KMT2A: variants seen among roughly 807,000 people sequenced by gnomAD.
KMT2A encodes the protein histone-lysine N-methyltransferase 2A.
A neutral mutation model predicts 345.3 loss-of-function variants in KMT2A; 16 were observed. The observed-to-expected ratio is 0.05, with a 90% CI of 0.03 to 0.07. KMT2A has a LOEUF of 0.07. Ranked by LOEUF, KMT2A falls within the 10% of genes least tolerant of loss-of-function variation. The pLI, the probability that KMT2A is intolerant of heterozygous loss-of-function variation, is 1.00. For synonymous variants in KMT2A, 1,599 were observed against 1,778.6 expected, an observed-to-expected ratio of 0.90 and a Z score of 2.54; for missense variants, 3,272 against 4,841.6, an observed-to-expected ratio of 0.68 and a Z score of 9.62.
At chr11:118,515,086 G>A (rs1950782222) in intron 31 of KMT2A, among the ~76,000 whole-genome samples, 1 of 152,184 alleles carries the variant, frequency 6.6e-6, no homozygotes, top group Admixed American at 6.5e-5. Flanking sequence ...GTCTTAAAGT[G>A]TAGCCTATAG....
At position 118,503,322 on chromosome 11, in the gene KMT2A, T is replaced by C. The variant is rs138913980; in HGVS notation, c.7430T>C (p.Met2477Thr). The change falls in exon 27 of 36, where the codon ATG (methionine) becomes ACG (threonine). Residue 2477 changes from methionine (M) to threonine (T), a missense_variant. Met to Thr is a moderately conservative substitution (Grantham distance 81, BLOSUM62 -1). This residue lies in a region of KMT2A where 445 missense variants were observed against 500.9 expected (regional missense o/e 0.89). Coordinates refer to ENST00000534358, the MANE Select transcript of KMT2A (RefSeq NM_001197104.2). The surrounding 1 kb of genome is among the most constrained non-coding windows in gnomAD (Gnocchi z 5.3). ...GATGAGGTTTTGACTCCTGAGTATATGGGCCAACGACCATGTAACAATGTT... is the reference window on the plus strand; with the variant it reads ...GATGAGGTTTTGACTCCTGAGTATACGGGCCAACGACCATGTAACAATGTT... ...FMDEVLTPEY[M>T]GQRPCNNVSS... 5.0e-6 allele frequency: 8 copies of C among 1,613,970 alleles called. No homozygotes were observed. The highest frequency in any genetic ancestry group is 6.8e-6 in the Non-Finnish European group (8 of 1,179,986).
At position 118,472,011 on chromosome 11, in the gene KMT2A, G is replaced by A. The variant is rs375533652; in HGVS notation, c.852G>A (p.Lys284=). The A allele has an allele frequency of 4.8e-5, 78 of 1,613,630 alleles. No homozygotes were observed. Among genetic ancestry groups the A allele is most frequent in the Non-Finnish European group, 6.6e-5 (78 of 1,179,938 alleles). ...RAGKLSPLKS[K]FKTGKLQIGR... ...GTAAACTCTCTCCTCTCAAGTCTAA[G>A]TTTAAGACAGGGAAGCTTCAAATAG... The change falls in exon 3 of 36, where the codon AAG becomes AAA. Residue 284 remains lysine (K), a synonymous_variant. Transcript: ENST00000534358.
rs1950673593 is a variant in KMT2A, at chr11:118,510,873, G to A, written c.11071+755G>A. On this transcript the variant is annotated intron_variant, in intron 30 of 35. Transcript: ENST00000534358. The surrounding 1 kb of genome is among the most constrained non-coding windows in gnomAD (Gnocchi z 4.1). ...GAAGATTCTATTAAAGGAGAAAATGGAATTTGGGTTAGGCAAAGAAGAATG... is the reference window on the plus strand; with the variant it reads ...GAAGATTCTATTAAAGGAGAAAATGAAATTTGGGTTAGGCAAAGAAGAATG... Among the ~76,000 whole-genome samples, 1 of 152,168 alleles carries A rather than the reference G, an allele frequency of 6.6e-6. No individual in the cohort carries two copies. Among genetic ancestry groups the A allele is most frequent in the Non-Finnish European group, 1.5e-5 (1 of 68,026 alleles).
chr11:118,506,764 GT>G, intron 27 of KMT2A, 118 bp downstream of exon 27: 1 of 1,073,164 alleles, frequency 9.3e-7, no homozygotes, highest in Non-Finnish European at 1.3e-6. Context: ...TTACCTGGGA[GT>G]TTTCCGGGTT....
chr11:118,499,977 GGTCATTAAAT>G, intron 24 of KMT2A, 64 bp downstream of exon 24: 2 of 1,096,880 alleles, frequency 1.8e-6, no homozygotes, highest in Non-Finnish European at 2.8e-6. Context: ...GCCATGTGCA[GGTCATTAAAT>G]GTAGAGGCAT....
chr11:118,505,780 C>T lies in KMT2A; in HGVS notation c.9888C>T (p.Ile3296=). 1 of 1,614,136 alleles carries T rather than the reference C, an allele frequency of 6.2e-7. No individual in the cohort carries two copies. ...PNIIKRSKSS[I]MYFEPAPLLP... ...TCATAAAAAGATCTAAATCTAGCAT[C>T]ATGTATTTTGAACCGGCACCCCTGT... The change falls in exon 27 of 36, where the codon ATC becomes ATT. Residue 3296 remains isoleucine (I), a synonymous_variant. Coordinates refer to ENST00000534358, the MANE Select transcript of KMT2A (RefSeq NM_001197104.2). This position sits in a 1 kb window ranked among gnomAD's most constrained non-coding sequence, Gnocchi z 4.6.
Position 118,491,561 on chromosome 11 carries a change from G to A in KMT2A, c.4820-183G>A, listed in dbSNP as rs1555042470. ...ACCTGATTCTCAATAACCAAATTCA[G>A]GATTAGTGTTAATTAATAATGCCAC... is the stretch of plus-strand genomic sequence containing the variant. On this transcript the variant is annotated intron_variant, in intron 14 of 35. Coordinates refer to ENST00000534358, the MANE Select transcript of KMT2A (RefSeq NM_001197104.2). The surrounding 1 kb of genome is among the most constrained non-coding windows in gnomAD (Gnocchi z 4.2). Among the ~76,000 whole-genome samples, 1 of 152,036 alleles carries A rather than the reference G, an allele frequency of 6.6e-6. No homozygotes were observed. The highest frequency in any genetic ancestry group is 2.4e-5 in the African/African-American group (1 of 41,378).
chr11:118,496,136 A>C lies in KMT2A; in HGVS notation c.5558-125A>C. ...GCGTAACTCTGAACACTTTTTGAAA[A>C]GTGGTTATTTTATAGGCTGTGGGCT... On this transcript the variant is annotated intron_variant, in intron 19 of 35. Coordinates refer to ENST00000534358, the MANE Select transcript of KMT2A (RefSeq NM_001197104.2). This position sits in a 1 kb window ranked among gnomAD's most constrained non-coding sequence, Gnocchi z 4.7. The C allele has an allele frequency of 1.3e-6, 1 of 770,120 alleles. No individual in the cohort carries two copies. Among genetic ancestry groups the C allele is most frequent in the Non-Finnish European group, 2.2e-6 (1 of 460,992 alleles). 47.7% of individuals were successfully genotyped at this position (770,120 alleles called of 1,614,324 possible).
intron 1 of KMT2A, 114 bp from the exon 2 acceptor site, chr11:118,468,661 A>G: frequency 1.3e-6 from 1 of 743,924 alleles, no homozygotes; most frequent in Non-Finnish European, 2.4e-6. Context: ...ATGATAATTA[A>G]TATATAAAGG....
chr11:118,487,064 T>C (rs1950242388), intron 10 of KMT2A, among the ~76,000 whole-genome samples: 1 of 152,196 alleles, frequency 6.6e-6, no homozygotes, highest in Non-Finnish European at 1.5e-5. Flanking sequence ...TAAGCAAATA[T>C]TCTCTTAGTC....
intron 31 of KMT2A, among the ~76,000 whole-genome samples, chr11:118,518,794 A>AG (rs1950884783): frequency 6.9e-6 from 1 of 144,390 alleles, no homozygotes; most frequent in African/African-American, 2.6e-5. Context: ...AAAAAAAAAA[A>AG]AAGCCGGGCG....
rs1370860637 is a variant in KMT2A, at chr11:118,520,578, G to C, written c.11430-224G>C. On this transcript the variant is annotated intron_variant, in intron 33 of 35. Coordinates refer to ENST00000534358, the MANE Select transcript of KMT2A (RefSeq NM_001197104.2). The surrounding 1 kb of genome is among the most constrained non-coding windows in gnomAD (Gnocchi z 4.3). Reference sequence around the variant, plus strand: ...AGGCAAGAGAATCGCTTGAACCCAGGAGGCGGAGGTTACAGTGAGCCGAGA... The same window carrying C: ...AGGCAAGAGAATCGCTTGAACCCAGCAGGCGGAGGTTACAGTGAGCCGAGA... The C allele has an allele frequency of 3.8e-6, 2 of 523,606 alleles. No homozygotes were observed. Among genetic ancestry groups the C allele is most frequent in the African/African-American group, 3.8e-5 (2 of 52,318 alleles). 32.4% of individuals were successfully genotyped at this position (523,606 alleles called of 1,614,324 possible).
At chr11:118,482,216 C>A in intron 7 of KMT2A, 124 bp downstream of exon 7, 1 of 1,136,214 alleles carries the variant, frequency 8.8e-7, no homozygotes, top group Non-Finnish European at 1.2e-6. Context: ...AGAAAATCAG[C>A]TCTCTTTCTA....
intron 15 of KMT2A, among the ~76,000 whole-genome samples, chr11:118,492,547 C>T (rs1349524408): frequency 1.3e-5 from 2 of 152,194 alleles, no homozygotes; most frequent in African/African-American, 4.8e-5. Context: ...GGCATGGTAG[C>T]GGTCACCTGT....
At position 118,468,829 on chromosome 11, in the gene KMT2A, A is replaced by G. The variant is rs890732114; in HGVS notation, c.487A>G (p.Thr163Ala). Reference protein sequence around the residue: ...SDEEVRVRSPTRSPSVKTSPR... With the variant: ...SDEEVRVRSPARSPSVKTSPR... ...TGAAGAAGTCAGAGTGCGAAGTCCCACAAGGTCTCCTTCAGGTACGGCCAA... is the reference window on the plus strand; with the variant it reads ...TGAAGAAGTCAGAGTGCGAAGTCCCGCAAGGTCTCCTTCAGGTACGGCCAA... Residue 163 changes from threonine to alanine, a missense_variant, in exon 2 of 36, where the codon ACA becomes GCA. Thr to Ala is a moderately conservative substitution (Grantham distance 58, BLOSUM62 0). Coordinates refer to ENST00000534358, the MANE Select transcript of KMT2A (RefSeq NM_001197104.2). 1 of 1,613,264 alleles carries G rather than the reference A, an allele frequency of 6.2e-7. No individual in the cohort carries two copies. Among genetic ancestry groups the G allele is most frequent in the Non-Finnish European group, 8.5e-7 (1 of 1,179,370 alleles).
intron 1 of KMT2A, among the ~76,000 whole-genome samples, chr11:118,444,184 A>C (rs1310495376): frequency 6.6e-6 from 1 of 152,230 alleles, no homozygotes; most frequent in Non-Finnish European, 1.5e-5. Context: ...GTTAATTCTT[A>C]TCTCTAATAA....
In KMT2A at chr11:118,520,957, T is replaced by C; in HGVS notation, c.11513+72T>C. ...TTCAAAATCAAAGCAGACCAAATGC[T>C]GGAGTGACCTTCCTCACTCAGTAAG... On this transcript the variant is annotated intron_variant, in intron 34 of 35. Coordinates refer to ENST00000534358, the MANE Select transcript of KMT2A (RefSeq NM_001197104.2). The surrounding 1 kb of genome is among the most constrained non-coding windows in gnomAD (Gnocchi z 4.3). 1 of 1,105,976 alleles carries C rather than the reference T, an allele frequency of 9.0e-7. No homozygotes were observed. Among genetic ancestry groups the C allele is most frequent in the Middle Eastern group, 2.0e-4 (1 of 5,056 alleles). The allele number at this position is 1,105,976 out of a possible 1,614,324, so 68.5% of individuals were successfully genotyped here. A position where few individuals can be genotyped will look rare whatever the true frequency, so the allele number is the denominator to read the frequency against.
At chr11:118,445,053 TATA>T (rs1555026778) in intron 1 of KMT2A, among the ~76,000 whole-genome samples, 1 of 152,212 alleles carries the variant, frequency 6.6e-6, no homozygotes, top group African/African-American at 2.4e-5. Flanking sequence ...AGAGCAGGGT[TATA>T]ATCTTTTTTT....
chr11:118,449,962 T>C (rs1027494677), intron 1 of KMT2A: 11 of 152,210 alleles, frequency 7.2e-5, no homozygotes, highest in African/African-American at 2.7e-4. Flanking sequence ...GACCAAAATT[T>C]CTTATAATAA....
Sources: gnomAD v4.1 joint callset for allele counts (sites outside exome capture counted in the v4.1 genomes callset) on GRCh38, gnomAD v4.1.1 for gene constraint, gnomAD v4.1.1 regional missense constraint, Gnocchi (gnomAD v3.1) non-coding constraint, MANE v1.5 for transcripts, NCBI Gene and HGNC (gene_info 2026-07-23, HGNC 2026-07-21) for gene names.